The following RANBP2 variants were observed in gnomAD, a reference collection of about 807,000 sequenced individuals.
RANBP2 encodes E3 SUMO-protein ligase RanBP2.
RANBP2 carries 57 observed loss-of-function variants against 303.6 expected under a neutral mutation model. That is an observed-to-expected ratio of 0.19 (90% CI 0.15 to 0.23). The LOEUF is 0.23. RANBP2 is among the 10% of genes least tolerant of loss of function. The probability of loss-of-function intolerance (pLI) is 1.00; values close to 1 mark genes in which losing one functional copy is unlikely to be tolerated. For synonymous variants in RANBP2, 1,167 were observed against 1,301.5 expected, an observed-to-expected ratio of 0.90 and a Z score of 2.23; for missense variants, 3,138 against 3,780.8, an observed-to-expected ratio of 0.83 and a Z score of 4.46.
chr2:109,183,305 G>A, the RANBP2 span, among the ~76,000 whole-genome samples: 2 of 112,178 alleles, frequency 1.8e-5, no homozygotes, highest in Non-Finnish European at 4.5e-5. Context: ...TACTGCTTTC[G>A]TGTTCTTAAT....
the RANBP2 span, chr2:109,614,136 A>T: frequency 8.3e-7 from 1 of 1,202,662 alleles, no homozygotes; most frequent in Non-Finnish European, 1.0e-6. Flanking sequence ...CTGGGACTCC[A>T]GGAAGACGGC....
the RANBP2 span, among the ~76,000 whole-genome samples, chr2:109,559,438 T>C: frequency 1.3e-5 from 2 of 152,144 alleles, no homozygotes; most frequent in Non-Finnish European, 2.9e-5. Context: ...CAGCCACTGC[T>C]CCCACCCAGT....
the RANBP2 span, chr2:109,419,702 C>T: frequency 2.7e-6 from 4 of 1,489,350 alleles, no homozygotes; most frequent in Non-Finnish European, 3.6e-6. Flanking sequence ...CCTGCCTGGG[C>T]TGACCTGTCC....
chr2:109,450,112 G>C, the RANBP2 span, among the ~76,000 whole-genome samples: 2 of 152,244 alleles, frequency 1.3e-5, no homozygotes, highest in Non-Finnish European at 2.9e-5. Flanking sequence ...TTGGGAGGCT[G>C]AGGCGGGCGG....
chr2:108,885,271 G>T, the RANBP2 span: 1 of 152,160 alleles, frequency 6.6e-6, no homozygotes, highest in African/African-American at 2.4e-5. Flanking sequence ...CAGTTTTCTT[G>T]CCACTTTGTT....
chr2:108,821,330 C>A, the RANBP2 span, among the ~76,000 whole-genome samples: 2 of 152,032 alleles, frequency 1.3e-5, no homozygotes, highest in African/African-American at 4.8e-5. Flanking sequence ...TGCACTCCAG[C>A]CTGGGCAACA....
At chr2:109,127,110 G>A in the RANBP2 span, among the ~76,000 whole-genome samples, 3 of 152,320 alleles carry the variant, frequency 2.0e-5, no homozygotes, top group Admixed American at 1.3e-4. Context: ...TGTTGTTGGC[G>A]CTGATGTAAA....
At chr2:108,791,761 C>T in the RANBP2 span, 1 of 1,600,396 alleles carries the variant, frequency 6.2e-7, no homozygotes, top group Non-Finnish European at 8.5e-7. Flanking sequence ...AGAGTTAGTA[C>T]CTCGAAAATA....
At chr2:109,705,035 T>C in the RANBP2 span, among the ~76,000 whole-genome samples, 10 of 151,344 alleles carry the variant, frequency 6.6e-5, no homozygotes, top group Non-Finnish European at 1.0e-4. Context: ...ATGGAGGCCA[T>C]TGCACTCCAG....
intron 1 of RANBP2, among the ~76,000 whole-genome samples, chr2:108,726,271 T>C (rs1178043397): frequency 1.3e-5 from 2 of 152,222 alleles, no homozygotes; most frequent in South Asian, 2.1e-4. Flanking sequence ...TACATACTAG[T>C]CATCTCAGTT....
the RANBP2 span, among the ~76,000 whole-genome samples, chr2:108,809,370 A>G: frequency 6.6e-6 from 1 of 151,974 alleles, no homozygotes; most frequent in African/African-American, 2.4e-5. Context: ...TGGTATTTTA[A>G]TAAACATTAT....
the RANBP2 span, among the ~76,000 whole-genome samples, chr2:108,874,180 T>C: frequency 6.6e-6 from 1 of 152,100 alleles, no homozygotes; most frequent in Non-Finnish European, 1.5e-5. Flanking sequence ...GATAAAAGTA[T>C]TTTGCAAATC....
chr2:109,027,255 A>AC, the RANBP2 span, among the ~76,000 whole-genome samples: 3 of 151,302 alleles, frequency 2.0e-5, no homozygotes, highest in Non-Finnish European at 4.4e-5. Context: ...AAAAAAAAAA[A>AC]AAAAAAAAAC....
chr2:108,891,558 C>T, the RANBP2 span, among the ~76,000 whole-genome samples: 2 of 152,282 alleles, frequency 1.3e-5, no homozygotes, highest in East Asian at 1.9e-4. Flanking sequence ...CTAGTGATGA[C>T]AGCAATGGGC....
chr2:108,968,040 G>A, the RANBP2 span, among the ~76,000 whole-genome samples: 4 of 152,266 alleles, frequency 2.6e-5, no homozygotes, highest in East Asian at 1.9e-4. Flanking sequence ...TAGGACATGC[G>A]CCCACTGTCC....
chr2:109,206,490 CAAAAA>C, the RANBP2 span, among the ~76,000 whole-genome samples: 4 of 40,754 alleles, frequency 9.8e-5, no homozygotes, highest in African/African-American at 4.0e-4. Flanking sequence ...GACTCCGTCT[CAAAAA>C]AAAAAAAAAA....
At chr2:109,577,352 G>A in the RANBP2 span, among the ~76,000 whole-genome samples, 1 of 152,234 alleles carries the variant, frequency 6.6e-6, no homozygotes, top group Non-Finnish European at 1.5e-5. Flanking sequence ...CCAGCACTTT[G>A]GGAGGTCAAG....
chr2:108,876,984 A>G, the RANBP2 span, among the ~76,000 whole-genome samples: 1 of 152,228 alleles, frequency 6.6e-6, no homozygotes, highest in Non-Finnish European at 1.5e-5. Flanking sequence ...ACTGAGAAAC[A>G]TTGTTTTAAA....
At chr2:109,680,676 G>A in the RANBP2 span, among the ~76,000 whole-genome samples, 5 of 152,096 alleles carry the variant, frequency 3.3e-5, no homozygotes, top group East Asian at 1.9e-4. Context: ...CTGTTTCCTC[G>A]TGCTCACTTT....
Sources: allele counts gnomAD v4.1 joint callset (sites outside exome capture counted in the v4.1 genomes callset), GRCh38; gene constraint gnomAD v4.1.1; transcripts MANE v1.5; gene names NCBI Gene and HGNC (gene_info 2026-07-23, HGNC 2026-07-21).